The following LRRC37A2 variants were observed in gnomAD, a reference collection of about 807,000 sequenced individuals.
LRRC37A2 encodes leucine rich repeat containing 37 member A2.
In LRRC37A2, 9 loss-of-function variants were observed where a neutral mutation model predicts 68.8. That is an observed-to-expected ratio of 0.13 (90% confidence interval 0.08 to 0.23). The LOEUF is 0.23. LRRC37A2 is among the 10% of genes least tolerant of loss of function. LRRC37A2 has a pLI of 1.00. For synonymous variants in LRRC37A2, 63 were observed against 367.6 expected (o/e 0.17, Z 9.48); for missense variants, 168 against 950.4 (o/e 0.18, Z 10.82).
chr17:46,389,367 A>T, the LRRC37A2 span, among the ~76,000 whole-genome samples: 2 of 71,672 alleles, frequency 2.8e-5, no homozygotes, highest in African/African-American at 1.2e-4. Context: ...AGGTAAACTA[A>T]CTATATTAGC....
the LRRC37A2 span, among the ~76,000 whole-genome samples, chr17:47,015,715 T>C: frequency 7.9e-5 from 12 of 152,246 alleles, no homozygotes; most frequent in Non-Finnish European, 1.8e-4. Context: ...GGGGCTACAG[T>C]GTTTTATTTA....
the LRRC37A2 span, among the ~76,000 whole-genome samples, chr17:46,685,292 T>G: frequency 1.3e-5 from 2 of 148,640 alleles, no homozygotes; most frequent in Non-Finnish European, 3.0e-5. Flanking sequence ...ATGATAAAAT[T>G]GAGTTAGCAA....
At chr17:46,490,449 A>G in the LRRC37A2 span, among the ~76,000 whole-genome samples, 9 of 151,156 alleles carry the variant, frequency 6.0e-5, no homozygotes, top group African/African-American at 4.9e-5. Context: ...TTGGCCAGGC[A>G]TGGTGGCTCA....
At chr17:46,768,358 C>T in the LRRC37A2 span, 1 of 1,613,854 alleles carries the variant, frequency 6.2e-7, no homozygotes, top group South Asian at 1.1e-5. This position sits in a 1 kb window ranked among gnomAD's most constrained non-coding sequence, Gnocchi z 5.0. Context: ...CGAATACACT[C>T]CTGGCAGCTG....
chr17:46,932,048 C>T, the LRRC37A2 span: 1 of 1,611,470 alleles, frequency 6.2e-7, no homozygotes, highest in South Asian at 1.1e-5. Flanking sequence ...AATTTAATCT[C>T]TCTCTCCATC....
the LRRC37A2 span, chr17:46,833,171 T>G: frequency 2.8e-6 from 1 of 360,956 alleles, no homozygotes; most frequent in Non-Finnish European, 5.5e-6. Context: ...AGCTGAGGAG[T>G]GACATGGTGC....
At chr17:47,029,219 CTG>C in the LRRC37A2 span, among the ~76,000 whole-genome samples, 1 of 151,636 alleles carries the variant, frequency 6.6e-6, no homozygotes, top group East Asian at 2.0e-4. Context: ...TCCCAAAGTG[CTG>C]GGGTTACAGG....
chr17:46,715,401 A>G, the LRRC37A2 span, among the ~76,000 whole-genome samples: 11 of 152,216 alleles, frequency 7.2e-5, no homozygotes, highest in African/African-American at 2.7e-4. Flanking sequence ...AAAAATTTAA[A>G]TAACAGCCCT....
At chr17:47,011,610 T>A in the LRRC37A2 span, among the ~76,000 whole-genome samples, 1 of 151,610 alleles carries the variant, frequency 6.6e-6, no homozygotes, top group Non-Finnish European at 1.5e-5. Flanking sequence ...CTTGGTATGT[T>A]TCCAAGGTTG....
the LRRC37A2 span, chr17:46,704,755 T>C: frequency 6.2e-7 from 1 of 1,604,832 alleles, no homozygotes; most frequent in South Asian, 1.1e-5. Flanking sequence ...TTATCTCTTC[T>C]TAGGCCAGTA....
At chr17:46,925,259 C>T in the LRRC37A2 span, among the ~76,000 whole-genome samples, 1 of 152,178 alleles carries the variant, frequency 6.6e-6, no homozygotes, top group Admixed American at 6.5e-5. Flanking sequence ...ACCTGTGTTC[C>T]AGTACAATTT....
the LRRC37A2 span, among the ~76,000 whole-genome samples, chr17:46,871,309 G>A: frequency 1.3e-5 from 2 of 152,104 alleles, no homozygotes; most frequent in Admixed American, 6.5e-5. Context: ...CCCACACTGG[G>A]GGCACCAGGA....
chr17:46,930,449 G>A, the LRRC37A2 span: 1 of 152,226 alleles, frequency 6.6e-6, no homozygotes, highest in African/African-American at 2.4e-5. Flanking sequence ...CTTATCGAAA[G>A]GGATAGGGAA....
At chr17:46,950,573 C>T in the LRRC37A2 span, among the ~76,000 whole-genome samples, 1 of 152,200 alleles carries the variant, frequency 6.6e-6, no homozygotes, top group East Asian at 1.9e-4. Context: ...TCTCCAAGAG[C>T]ATTCAGGGGC....
At chr17:46,761,634 C>CTGGGAG in the LRRC37A2 span, among the ~76,000 whole-genome samples, 1 of 152,146 alleles carries the variant, frequency 6.6e-6, no homozygotes, top group South Asian at 2.1e-4. Context: ...CCCACCCAGC[C>CTGGGAG]TGTTCTCATT....
the LRRC37A2 span, among the ~76,000 whole-genome samples, chr17:46,703,680 C>CAAAAAAAAAA: frequency 1.1e-4 from 4 of 37,714 alleles, no homozygotes; most frequent in Non-Finnish European, 1.5e-4. Flanking sequence ...GACTCCGTCT[C>CAAAAAAAAAA]AAAAAAAAAA....
chr17:46,738,582 A>G, the LRRC37A2 span, among the ~76,000 whole-genome samples: 1 of 152,190 alleles, frequency 6.6e-6, no homozygotes, highest in African/African-American at 2.4e-5. Flanking sequence ...AATATACAGG[A>G]TTCCGTCCTG....
chr17:47,010,748 G>A, the LRRC37A2 span: 1 of 152,366 alleles, frequency 6.6e-6, no homozygotes, highest in African/African-American at 2.4e-5. Context: ...TGGAACCCGG[G>A]GTCAGAGAGG....
At chr17:46,830,721 C>A in the LRRC37A2 span, 1 of 398,512 alleles carries the variant, frequency 2.5e-6, no homozygotes, top group Non-Finnish European at 4.4e-6. Flanking sequence ...GGTGACACTT[C>A]TCATGGCTAG....
Sources: allele counts gnomAD v4.1 joint callset (sites outside exome capture counted in the v4.1 genomes callset), GRCh38; gene constraint gnomAD v4.1.1; non-coding constraint Gnocchi (gnomAD v3.1); transcripts MANE v1.5; gene names NCBI Gene and HGNC (gene_info 2026-07-23, HGNC 2026-07-21).